PDE4D: variants seen among roughly 807,000 people sequenced by gnomAD.
PDE4D encodes 3',5'-cyclic-AMP phosphodiesterase 4D.
Under a neutral mutation model 87.4 loss-of-function variants are expected in PDE4D, and 24 were observed. The observed-to-expected ratio is 0.27, with a 90% CI of 0.20 to 0.39. The LOEUF (loss-of-function observed/expected upper bound fraction) is 0.39. Ranked by LOEUF, PDE4D falls within the 10% of genes least tolerant of loss-of-function variation. The pLI is 1.00. For synonymous variants in PDE4D, 384 were observed against 383.2 expected (o/e 1.00, Z -0.02); for missense variants, 714 against 1,041.0 (o/e 0.69, Z 4.32).
chr5:60,375,146 A>C (rs1356683811), intron 1 of PDE4D, among the ~76,000 whole-genome samples: 1 of 152,156 alleles, frequency 6.6e-6, no homozygotes, highest in Non-Finnish European at 1.5e-5. Context: ...TTTCTCAAAT[A>C]TTCCTCATTG....
intron 1 of PDE4D, among the ~76,000 whole-genome samples, chr5:59,611,538 G>A (rs1343806746): frequency 1.3e-5 from 2 of 152,024 alleles, no homozygotes; most frequent in East Asian, 1.9e-4. Flanking sequence ...CTGAATGCCC[G>A]TCTCCACACT....
At chr5:60,083,576 T>G (rs1455603701) in intron 2 of PDE4D, among the ~76,000 whole-genome samples, 2 of 152,222 alleles carry the variant, frequency 1.3e-5, no homozygotes, top group African/African-American at 4.8e-5. Context: ...GTATGGAAGA[T>G]AGAGAAGTAG....
At chr5:59,579,610 G>A (rs1334981933) in intron 1 of PDE4D, among the ~76,000 whole-genome samples, 1 of 152,154 alleles carries the variant, frequency 6.6e-6, no homozygotes, top group Non-Finnish European at 1.5e-5. Flanking sequence ...AAGTAAAGCT[G>A]GAGCCCGTAT....
At chr5:59,701,250 G>A (rs1360565407) in intron 1 of PDE4D, among the ~76,000 whole-genome samples, 2 of 152,076 alleles carry the variant, frequency 1.3e-5, no homozygotes, top group African/African-American at 4.8e-5. Context: ...CCCCAGAAAA[G>A]GTTAGGTTCT....
chr5:59,398,143 C>T (rs201552313), intron 1 of PDE4D, among the ~76,000 whole-genome samples: 4 of 147,226 alleles, frequency 2.7e-5, no homozygotes, highest in East Asian at 4.0e-4. Context: ...CCAAATTCTA[C>T]CAGAGGTACA....
rs75105529 is a variant in PDE4D, at chr5:58,976,157, G to A, written c.1830+193C>T. On this transcript the variant is annotated intron_variant, in intron 13 of 14. Transcript: ENST00000340635. ...GTTAGTTTTTTTAATTAATGTAGAT[G>A]CAAACAGAAAGACCAGTAGAATTTT... Among the ~76,000 whole-genome samples the A allele has an allele frequency of 2.6e-3, 393 of 152,264 alleles. 7 individuals are homozygous for A. The East Asian group carries it at 0.048, about 18-fold the overall frequency.
intron 1 of PDE4D, among the ~76,000 whole-genome samples, chr5:59,699,666 T>C (rs957017516): frequency 3.3e-5 from 5 of 152,128 alleles, no homozygotes; most frequent in African/African-American, 1.2e-4. Context: ...GAAATGATGA[T>C]TTGGTGATCA....
intron 3 of PDE4D, among the ~76,000 whole-genome samples, chr5:59,925,049 C>T (rs892271792): frequency 1.3e-5 from 2 of 151,640 alleles, no homozygotes. Flanking sequence ...GTGGTGGGCG[C>T]CTGTAGTCCC....
intron 1 of PDE4D, among the ~76,000 whole-genome samples, chr5:60,198,671 T>G (rs1242393700): frequency 6.6e-6 from 1 of 151,652 alleles, no homozygotes; most frequent in Non-Finnish European, 1.5e-5. Flanking sequence ...TGATATGTCT[T>G]TAACACCAAG....
At chr5:60,258,845 C>T (rs1749358811) in intron 1 of PDE4D, among the ~76,000 whole-genome samples, 1 of 151,792 alleles carries the variant, frequency 6.6e-6, no homozygotes. Flanking sequence ...TAAACACTTT[C>T]TATAACATAG....
At chr5:59,990,126 A>C (rs546090312) in intron 2 of PDE4D, among the ~76,000 whole-genome samples, 1 of 152,276 alleles carries the variant, frequency 6.6e-6, no homozygotes, top group African/African-American at 2.4e-5. Flanking sequence ...TGGAACATCC[A>C]GACCTCATTT....
intron 6 of PDE4D, chr5:59,002,196 A>G: frequency 2.8e-6 from 1 of 351,760 alleles, no homozygotes; most frequent in South Asian, 2.2e-5. Context: ...TGATTTTCCC[A>G]GGTTCACTCT....
At chr5:59,037,981 C>T (rs4700319) in intron 6 of PDE4D, among the ~76,000 whole-genome samples, 35,608 of 152,070 alleles carry the variant, frequency 0.23, 5,784 homozygotes, top group East Asian at 0.76. Flanking sequence ...CACAACATTA[C>T]CAGTCCTTAC....
intron 1 of PDE4D, among the ~76,000 whole-genome samples, chr5:59,239,112 A>T (rs1757110816): frequency 6.6e-6 from 1 of 152,214 alleles, no homozygotes. Context: ...AAACAGGCAA[A>T]TGATTTTGAA....
At chr5:59,074,629 A>G (rs1218969795) in intron 5 of PDE4D, among the ~76,000 whole-genome samples, 1 of 152,124 alleles carries the variant, frequency 6.6e-6, no homozygotes, top group Non-Finnish European at 1.5e-5. Context: ...GTGGTGGTGC[A>G]TGCCTGTAAT....
intron 1 of PDE4D, among the ~76,000 whole-genome samples, chr5:59,279,386 G>A (rs1164005974): frequency 1.3e-5 from 2 of 151,986 alleles, no homozygotes; most frequent in Non-Finnish European, 2.9e-5. Flanking sequence ...TTATCTGGAG[G>A]GGAATTTTGA....
intron 2 of PDE4D, among the ~76,000 whole-genome samples, chr5:60,027,153 C>T (rs1272817471): frequency 6.6e-6 from 1 of 152,044 alleles, no homozygotes; most frequent in Non-Finnish European, 1.5e-5. Flanking sequence ...GAGGTTTGCT[C>T]TTCTATTGAA....
intron 1 of PDE4D, among the ~76,000 whole-genome samples, chr5:60,226,200 A>T (rs2149609537): frequency 6.6e-6 from 1 of 152,258 alleles, no homozygotes; most frequent in African/African-American, 2.4e-5. Context: ...TTGACCATTA[A>T]GTGCTTCTTA....
At chr5:59,276,140 A>T in intron 1 of PDE4D, 1 of 983,010 alleles carries the variant, frequency 1.0e-6, no homozygotes, top group Non-Finnish European at 1.2e-6. Context: ...AAAAAAAAAA[A>T]AAAGAAAAGC....
Sources: allele counts gnomAD v4.1 joint callset (sites outside exome capture counted in the v4.1 genomes callset), GRCh38; gene constraint gnomAD v4.1.1; transcripts MANE v1.5; gene names NCBI Gene and HGNC (gene_info 2026-07-23, HGNC 2026-07-21).